LAMB4: variants seen among roughly 807,000 people sequenced by gnomAD.
LAMB4 encodes the protein laminin subunit beta-4.
Under a neutral mutation model 199.2 loss-of-function variants are expected in LAMB4, and 196 were observed. That is an observed-to-expected ratio of 0.98 (90% CI 0.88 to 1.11). LAMB4 has a LOEUF of 1.11. LAMB4 is among the 50% of genes least tolerant of loss of function. The pLI is 0.00. For synonymous variants in LAMB4, 744 were observed against 770.6 expected (o/e 0.97, Z 0.57); for missense variants, 2,080 against 2,171.2 (o/e 0.96, Z 0.83).
chr7:108,120,688 T>G (rs756570701), intron 2 of LAMB4, among the ~76,000 whole-genome samples: 56 of 152,242 alleles, frequency 3.7e-4, no homozygotes, highest in Admixed American at 6.5e-4. Context: ...TGGACTCCAA[T>G]AGACCAAAGA....
intron 10 of LAMB4, among the ~76,000 whole-genome samples, chr7:108,099,093 A>C (rs378962): frequency 0.35 from 52,775 of 152,200 alleles, 9,627 homozygotes; most frequent in Non-Finnish European, 0.4. Flanking sequence ...CCTCTATCAC[A>C]GAAAAATATG....
chr7:108,104,452 A>G, intron 9 of LAMB4, 47 bp downstream of exon 9: 3 of 1,608,674 alleles, frequency 1.9e-6, no homozygotes, highest in Non-Finnish European at 1.7e-6. Flanking sequence ...TTAAATAAGG[A>G]AATGCAGAGC....
In LAMB4 at chr7:108,120,076, A is replaced by G. The variant is rs184712283; in HGVS notation, c.34+3055T>C. Among the ~76,000 whole-genome samples the G allele has an allele frequency of 1.7e-3, 260 of 152,320 alleles. 2 individuals carry two copies. The highest frequency in any genetic ancestry group is 6.0e-3 in the African/African-American group (250 of 41,570). ...TTATACACTTTATCCTTGAGACATGAAAATTTGTGCCAAGCCTTATTTCAG... is the reference window on the plus strand; with the variant it reads ...TTATACACTTTATCCTTGAGACATGGAAATTTGTGCCAAGCCTTATTTCAG... On this transcript the variant is annotated intron_variant, in intron 2 of 33. Transcript: ENST00000388781.
intron 9 of LAMB4, 44 bp downstream of exon 9, chr7:108,104,455 T>C (rs767722846): frequency 2.5e-6 from 4 of 1,610,122 alleles, no homozygotes; most frequent in Admixed American, 1.7e-5. Context: ...AATAAGGAAA[T>C]GCAGAGCACA....
chr7:108,011,687 T>C, the LAMB4 span, among the ~76,000 whole-genome samples: 26 of 152,160 alleles, frequency 1.7e-4, no homozygotes, highest in Admixed American at 1.7e-3. Context: ...CCAAAGTGCA[T>C]GGATTACAGG....
At chr7:108,023,522 T>C (rs1231200556), downstream of LAMB4, 1 of 152,352 alleles carries the variant, frequency 6.6e-6, no homozygotes, top group South Asian at 2.1e-4. Flanking sequence ...AGAATGACCA[T>C]GTAGGAACGT....
chr7:108,069,962 G>C lies in LAMB4; in HGVS notation c.2125-77C>G, dbSNP rs1028083919. ...ATTCTACTTACATATAAAAAAATTA[G>C]ATCTATGAAAATAATGGTTCAAAGA... On this transcript the variant is annotated intron_variant, in intron 17 of 33. Coordinates refer to ENST00000388781, the MANE Select transcript of LAMB4 (RefSeq NM_007356.3). The C allele has an allele frequency of 4.2e-6, 5 of 1,196,620 alleles. No individual in the cohort carries two copies. The African/African-American group carries it at 7.6e-5, about 18-fold the overall frequency. 74.1% of individuals were successfully genotyped at this position (1,196,620 alleles called of 1,614,324 possible).
At chr7:108,107,113 C>G (rs1232015808) in intron 6 of LAMB4, among the ~76,000 whole-genome samples, 2 of 152,144 alleles carry the variant, frequency 1.3e-5, no homozygotes, top group African/African-American at 4.8e-5. Context: ...TTTGGCAAGC[C>G]ATGATCAATT....
chr7:108,089,348 GTTC>G (rs954374596), intron 14 of LAMB4, among the ~76,000 whole-genome samples: 1 of 152,098 alleles, frequency 6.6e-6, no homozygotes, highest in African/African-American at 2.4e-5. Flanking sequence ...TTTTACAATA[GTTC>G]TTCTCTATTT....
At position 108,043,777 on chromosome 7, in the gene LAMB4, G is replaced by C. The variant is rs1173008785; in HGVS notation, c.4446C>G (p.Ile1482Met). The change falls in exon 29 of 34, where the codon ATC becomes ATG. Residue 1482 changes from isoleucine to methionine, a missense_variant. Ile to Met is a conservative substitution (Grantham distance 10, BLOSUM62 1). Coordinates refer to ENST00000388781, the MANE Select transcript of LAMB4 (RefSeq NM_007356.3). ...CTAACAAAAAGTTTTTCACTTTTTT[G>C]ATGAAAAGATTGATGTTTTCTTCTT... ...DSEEENINLFIKKVKNFLLEE... is the reference protein window; with the variant it reads ...DSEEENINLFMKKVKNFLLEE... 3.2e-6 allele frequency: 5 copies of C among 1,581,978 alleles called. No individual in the cohort carries two copies. Among genetic ancestry groups the C allele is most frequent in the Non-Finnish European group, 4.3e-6 (5 of 1,163,136 alleles).
At chr7:108,017,687 G>A in the LAMB4 span, among the ~76,000 whole-genome samples, 302 of 152,280 alleles carry the variant, frequency 2.0e-3, 1 homozygote, top group African/African-American at 6.9e-3. Flanking sequence ...GGAGCCCTAG[G>A]GCTATAGGAA....
chr7:108,108,306 C>T (rs1440167417), intron 5 of LAMB4, among the ~76,000 whole-genome samples: 1 of 152,124 alleles, frequency 6.6e-6, no homozygotes, highest in Non-Finnish European at 1.5e-5. Context: ...ACACTTTGTC[C>T]TCATAATCTA....
intron 13 of LAMB4, 28 bp from the exon 14 acceptor site, chr7:108,091,804 A>C (rs1385991604): frequency 6.2e-7 from 1 of 1,612,062 alleles, no homozygotes; most frequent in Non-Finnish European, 8.5e-7. Flanking sequence ...CATCATGAAA[A>C]AATGCAAAGT....
rs539992453 is a variant in LAMB4, at chr7:108,088,230, T to C, written c.1701+3396A>G. The stretch of plus-strand genomic sequence containing the variant: ...CAGGCTGGAGTGCAATAGCACGATC[T>C]CAGCTCACTGCAACCTCTGCCTCCT... On this transcript the variant is annotated intron_variant, in intron 14 of 33. Transcript: ENST00000388781. Among the ~76,000 whole-genome samples the C allele has an allele frequency of 3.9e-5, 6 of 152,090 alleles. No homozygotes were observed. The East Asian group carries it at 1.2e-3, about 29-fold the overall frequency.
At chr7:108,021,939 G>A (rs146433117), downstream of LAMB4, among the ~76,000 whole-genome samples, 419 of 152,138 alleles carry the variant, frequency 2.8e-3, 2 homozygotes, top group African/African-American at 8.7e-3. Context: ...ATATGGTACC[G>A]AGGGCACATG....
Position 108,103,303 on chromosome 7 carries a change from G to T in LAMB4, c.992-71C>A, listed in dbSNP as rs1380645439. On this transcript the variant is annotated intron_variant, in intron 9 of 33. Coordinates refer to ENST00000388781, the MANE Select transcript of LAMB4 (RefSeq NM_007356.3). ...TGGCACAGCCAGTGCCCCCGCACTGGTCAGGGCACCCGCTAGTCCTCCTTG... is the reference window on the plus strand; with the variant it reads ...TGGCACAGCCAGTGCCCCCGCACTGTTCAGGGCACCCGCTAGTCCTCCTTG... 3 of 1,281,078 alleles carry T rather than the reference G, an allele frequency of 2.3e-6. No individual in the cohort carries two copies. The East Asian group carries it at 7.7e-5, about 33-fold the overall frequency. 79.4% of individuals were successfully genotyped at this position (1,281,078 alleles called of 1,614,324 possible).
At position 108,111,913 on chromosome 7, in the gene LAMB4, A is replaced by T; in HGVS notation, c.226T>A (p.Phe76Ile). The T allele has an allele frequency of 6.2e-7, 1 of 1,609,988 alleles. No homozygotes were observed. The highest frequency in any genetic ancestry group is 8.5e-7 in the Non-Finnish European group (1 of 1,178,408). The change falls in exon 4 of 34, where the codon TTT becomes ATT. Residue 76 changes from phenylalanine to isoleucine, a missense_variant. By Grantham distance (21) the Phe-to-Ile change is conservative. Coordinates refer to ENST00000388781, the MANE Select transcript of LAMB4 (RefSeq NM_007356.3). Reference protein sequence around the residue: ...EQKCFICDSRFPYDPYDQPNS... With the variant: ...EQKCFICDSRIPYDPYDQPNS... ...GGTTGGTCATACGGATCATATGGAA[A>T]TCTAGAGTCACAGATGAAGCATTTT...
In LAMB4 at chr7:108,034,207, C is replaced by T. The variant is rs377182839; in HGVS notation, c.4818+1G>A. ...AGGTTAGTTTCAAAGAAGACAAATA[C>T]CTGCAGCACATTCTTTTTTATTTTT... is the stretch of plus-strand genomic sequence containing the variant. On this transcript the variant is annotated splice_donor_variant, in intron 31 of 33. Coordinates refer to ENST00000388781, the MANE Select transcript of LAMB4 (RefSeq NM_007356.3). LOFTEE classifies it high-confidence loss of function. 3 of 1,613,870 alleles carry T rather than the reference C, an allele frequency of 1.9e-6. No homozygotes were observed. The highest frequency in any genetic ancestry group is 2.2e-5 in the East Asian group (1 of 44,848).
In LAMB4 at chr7:108,116,028, T is replaced by C. The variant is rs141070173; in HGVS notation, c.168A>G (p.Lys56=). 1.2e-5 allele frequency: 19 copies of C among 1,613,554 alleles called. No individual in the cohort carries two copies. The highest frequency in any genetic ancestry group is 1.6e-4 in the Middle Eastern group (1 of 6,076). ...CCTCCAGGTAACTGAGGATGCAGTA[T>C]TTCTGGGCTCTGCTCAGCCCACAGG... ...SSTCGLSRAQ[K]YCILSYLEGE... Residue 56 remains lysine (K), a synonymous_variant, in exon 3 of 34, where the codon AAA becomes AAG. Transcript: ENST00000388781.
Sources: gnomAD v4.1 joint callset for allele counts (sites outside exome capture counted in the v4.1 genomes callset) on GRCh38, gnomAD v4.1.1 for gene constraint, MANE v1.5 for transcripts, NCBI Gene and HGNC (gene_info 2026-07-23, HGNC 2026-07-21) for gene names.